SLC17A8: variants seen among roughly 807,000 people sequenced by gnomAD.
SLC17A8 encodes the protein solute carrier family 17 member 8.
SLC17A8 carries 31 observed loss-of-function variants against 58.0 expected under a neutral mutation model. The ratio of observed to expected loss-of-function variants is 0.53; its 90% CI spans 0.40 to 0.72. The LOEUF is 0.72. SLC17A8 is among the 30% of genes least tolerant of loss of function. The pLI is 0.00. For missense variants in SLC17A8, 655 were observed against 727.8 expected (o/e 0.90, Z 1.15); for synonymous variants, 228 against 249.0 (o/e 0.92, Z 0.79).
At chr12:100,366,407 A>C (rs1036541496) in intron 1 of SLC17A8, among the ~76,000 whole-genome samples, 3 of 152,216 alleles carry the variant, frequency 2.0e-5, no homozygotes, top group African/African-American at 7.2e-5. Flanking sequence ...ATCCTGTGCC[A>C]GGACTCCACT....
At chr12:100,364,862 C>T (rs528681905) in intron 1 of SLC17A8, among the ~76,000 whole-genome samples, 1 of 152,220 alleles carries the variant, frequency 6.6e-6, no homozygotes, top group Non-Finnish European at 1.5e-5. Context: ...GGGAGGCTTT[C>T]CCCCTCACTG....
rs1242408593 is a variant in SLC17A8 at position 100,420,296 on chromosome 12, G to T, written c.*137G>T. On this transcript the variant is annotated 3_prime_UTR_variant, in exon 12 of 12. Transcript: ENST00000323346. The stretch of plus-strand genomic sequence containing the variant: ...GATCTAACCAGCAACAGGGAAAAGA[G>T]AAATATTATCTTTCAATGACATGTA... 4 of 679,818 alleles carry T rather than the reference G, an allele frequency of 5.9e-6. No homozygotes were observed. The highest frequency in any genetic ancestry group is 1.0e-5 in the Non-Finnish European group (4 of 389,824). The allele number at this position is 679,818 out of a possible 1,614,324, so 42.1% of individuals were successfully genotyped here.
Position 100,393,469 on chromosome 12 carries a change from C to A in SLC17A8, c.574C>A (p.Gln192Lys). 6.2e-7 allele frequency: 1 copy of A among 1,612,190 alleles called. No homozygotes were observed. The highest frequency in any genetic ancestry group is 8.5e-7 in the Non-Finnish European group (1 of 1,178,452). ...YGCVMCVRIL[Q>K]GLVEGVTYPA... ...ATGCGTCATGTGTGTCAGAATTCTG[C>A]AAGGTTTAGTGGAGGTAGGAGATAC... Residue 192 changes from glutamine to lysine, a missense_variant, in exon 4 of 12, where the codon CAA becomes AAA. Physicochemically the swap from Gln to Lys is moderately conservative, Grantham distance 53 (BLOSUM62 1). Transcript: ENST00000323346.
intron 2 of SLC17A8, among the ~76,000 whole-genome samples, chr12:100,383,119 G>A (rs1338696777): frequency 6.6e-6 from 1 of 152,198 alleles, no homozygotes; most frequent in Non-Finnish European, 1.5e-5. Flanking sequence ...AGCCTTTTGT[G>A]AGCAAGACCA....
At chr12:100,413,869 CA>C (rs1332357965) in intron 10 of SLC17A8, among the ~76,000 whole-genome samples, 1 of 151,978 alleles carries the variant, frequency 6.6e-6, no homozygotes, top group Admixed American at 6.6e-5. Context: ...CCCAGTTAGT[CA>C]GGAGGTTGAG....
At chr12:100,395,080 C>T (rs1952743605) in intron 4 of SLC17A8, among the ~76,000 whole-genome samples, 1 of 151,870 alleles carries the variant, frequency 6.6e-6, no homozygotes, top group South Asian at 2.1e-4. Context: ...GGTTCTGTAT[C>T]TTGAAATGAG....
At chr12:100,416,847 G>A (rs1952909829) in intron 10 of SLC17A8, among the ~76,000 whole-genome samples, 1 of 152,196 alleles carries the variant, frequency 6.6e-6, no homozygotes, top group Non-Finnish European at 1.5e-5. Context: ...ATCCCGTTAT[G>A]TAGATGAAAC....
At chr12:100,398,308 A>G (rs1388693103) in intron 5 of SLC17A8, among the ~76,000 whole-genome samples, 1 of 152,136 alleles carries the variant, frequency 6.6e-6, no homozygotes, top group East Asian at 1.9e-4. Flanking sequence ...AAGCATCTCC[A>G]TCCCTACTAC....
At chr12:100,359,946 G>A (rs1952474091) in intron 1 of SLC17A8, among the ~76,000 whole-genome samples, 1 of 152,206 alleles carries the variant, frequency 6.6e-6, no homozygotes, top group East Asian at 1.9e-4. Flanking sequence ...AGAAGGCAAT[G>A]TAAATCACAG....
At chr12:100,412,383 C>T (rs767399366) in intron 9 of SLC17A8, among the ~76,000 whole-genome samples, 1 of 151,804 alleles carries the variant, frequency 6.6e-6, no homozygotes, top group Non-Finnish European at 1.5e-5. Flanking sequence ...CACATGGATA[C>T]AGGGAGGGGA....
chr12:100,396,478 T>G, intron 5 of SLC17A8, 61 bp downstream of exon 5: 1 of 1,348,154 alleles, frequency 7.4e-7, no homozygotes, highest in Non-Finnish European at 1.1e-6. Flanking sequence ...GTTCATGCAG[T>G]GGCTCACGCC....
intron 1 of SLC17A8, among the ~76,000 whole-genome samples, chr12:100,358,793 C>T (rs1303380081): frequency 6.6e-6 from 1 of 152,154 alleles, no homozygotes; most frequent in Non-Finnish European, 1.5e-5. Context: ...ATAATAAGCA[C>T]GATAGCTTAA....
chr12:100,381,076 A>G, intron 2 of SLC17A8, 123 bp downstream of exon 2: 3 of 1,097,826 alleles, frequency 2.7e-6, no homozygotes, highest in Non-Finnish European at 4.2e-6. Flanking sequence ...GGTTGAAATT[A>G]ACCTCCCATC....
intron 2 of SLC17A8, among the ~76,000 whole-genome samples, chr12:100,388,576 G>T (rs1952692151): frequency 6.6e-6 from 1 of 152,192 alleles, no homozygotes; most frequent in South Asian, 2.1e-4. Context: ...TGGACTGTGA[G>T]CTCCTAGAAG....
chr12:100,360,753 T>C (rs953278186), intron 1 of SLC17A8, among the ~76,000 whole-genome samples: 5 of 152,224 alleles, frequency 3.3e-5, no homozygotes, highest in Non-Finnish European at 7.3e-5. Context: ...ATCAAGTGTC[T>C]TTCCTCTTCC....
intron 9 of SLC17A8, among the ~76,000 whole-genome samples, chr12:100,406,181 A>G (rs532066811): frequency 1.3e-5 from 2 of 152,170 alleles, no homozygotes; most frequent in East Asian, 1.9e-4. Flanking sequence ...CTATACATCC[A>G]GCTCAATTCT....
intron 4 of SLC17A8, among the ~76,000 whole-genome samples, 164 bp from the exon 5 acceptor site, chr12:100,396,166 G>C (rs980611119): frequency 6.6e-6 from 1 of 151,942 alleles, no homozygotes; most frequent in Admixed American, 6.5e-5. Context: ...TGGGAATTAG[G>C]TTTTAACATA....
At chr12:100,410,710 A>G (rs1952861605) in intron 9 of SLC17A8, 2 of 152,292 alleles carry the variant, frequency 1.3e-5, no homozygotes, top group Admixed American at 1.3e-4. Flanking sequence ...GTAAGAGGTC[A>G]CGGGGCCTGG....
rs1253000607 is a variant in SLC17A8, at chr12:100,380,639, G to T, written c.102-62G>T. 2.5e-6 allele frequency: 4 copies of T among 1,604,126 alleles called. No homozygotes were observed. The South Asian group carries it at 4.4e-5, about 18-fold the overall frequency. On this transcript the variant is annotated intron_variant, in intron 1 of 11. Coordinates refer to ENST00000323346, the MANE Select transcript of SLC17A8 (RefSeq NM_139319.3). ...CTGGTACCTTTTTTCTTTTTGCTTA[G>T]TATACTTTCTTTTTCCTTTAATCCT... is the stretch of plus-strand genomic sequence containing the variant.
Sources: gnomAD v4.1 joint callset for allele counts (sites outside exome capture counted in the v4.1 genomes callset) on GRCh38, gnomAD v4.1.1 for gene constraint, MANE v1.5 for transcripts, NCBI Gene and HGNC (gene_info 2026-07-23, HGNC 2026-07-21) for gene names.